DMD: variants seen among roughly 807,000 people sequenced by gnomAD.
DMD encodes the protein mutant dystrophin.
Under a neutral mutation model 330.1 loss-of-function variants are expected in DMD, and 63 were observed. The ratio of observed to expected loss-of-function variants is 0.19; its 90% CI spans 0.16 to 0.24. The LOEUF is 0.24. Ranked by LOEUF, DMD falls within the 10% of genes least tolerant of loss-of-function variation. The probability of loss-of-function intolerance (pLI) is 1.00; values close to 1 mark genes in which losing one functional copy is unlikely to be tolerated. For missense variants in DMD, 3,344 were observed against 2,684.1 expected, an observed-to-expected ratio of 1.25 and a Z score of -5.43; for synonymous variants, 1,223 against 959.8, an observed-to-expected ratio of 1.27 and a Z score of -5.07.
At chrX:31,413,430 A>G (rs1249048630) in intron 60 of DMD, among the ~76,000 whole-genome samples, 1 of 112,210 alleles carries the variant, frequency 8.9e-6, no homozygotes, top group Non-Finnish European at 1.9e-5. Context: ...AGTCTGTTAT[A>G]ATCTTATTTT....
chrX:31,674,879 C>T (rs1415537096), intron 53 of DMD, among the ~76,000 whole-genome samples: 1 of 112,415 alleles, frequency 8.9e-6, no homozygotes, highest in Non-Finnish European at 1.9e-5. Context: ...GTTTTAGGTG[C>T]CAATGGCATA....
At chrX:31,200,453 C>T (rs1300453183) in intron 67 of DMD, among the ~76,000 whole-genome samples, 3 of 111,951 alleles carry the variant, frequency 2.7e-5, no homozygotes, top group Non-Finnish European at 5.6e-5. Context: ...ATCTCCAAAG[C>T]CTGACTATTC....
At chrX:32,615,005 C>G (rs2057451853) in intron 11 of DMD, among the ~76,000 whole-genome samples, 1 of 110,875 alleles carries the variant, frequency 9.0e-6, no homozygotes, top group South Asian at 3.8e-4. Flanking sequence ...GTAAAGGAGG[C>G]CAGGCTACAC....
At chrX:32,830,951 C>A (rs1009282089) in intron 4 of DMD, among the ~76,000 whole-genome samples, 1 of 111,222 alleles carries the variant, frequency 9.0e-6, no homozygotes, top group Non-Finnish European at 1.9e-5. Context: ...TTAAATTATT[C>A]TTTAGTATGG....
At chrX:32,905,611 G>A (rs745903273) in intron 2 of DMD, among the ~76,000 whole-genome samples, 1 of 111,505 alleles carries the variant, frequency 9.0e-6, no homozygotes, top group Non-Finnish European at 1.9e-5. Context: ...TTGTTTGTTA[G>A]CCAGCTTATT....
At chrX:32,437,786 T>G (rs1299170817) in intron 29 of DMD, among the ~76,000 whole-genome samples, 1 of 112,793 alleles carries the variant, frequency 8.9e-6, no homozygotes, top group East Asian at 2.8e-4. Context: ...TCACACCATG[T>G]GTGATATATG....
At chrX:31,978,559 G>C in intron 44 of DMD, among the ~76,000 whole-genome samples, 1 of 111,662 alleles carries the variant, frequency 9.0e-6, no homozygotes, top group Non-Finnish European at 1.9e-5. Flanking sequence ...CTCAGTGCCT[G>C]CCTGTTGAAG....
In DMD at chrX:31,889,647, T is replaced by TCACA. The variant is rs773894352; in HGVS notation, c.6913-14278_6913-14275dup. 2.6e-3 allele frequency among the ~76,000 whole-genome samples: 185 copies of TCACA among 71,573 alleles called. 1 individual carries two copies. Among genetic ancestry groups the TCACA allele is most frequent in the East Asian group, 0.011 (24 of 2,240 alleles). The allele number at this position is 71,573 out of a possible 115,157, so 62.2% of individuals were successfully genotyped here. A position where few individuals can be genotyped will look rare whatever the true frequency, so the allele number is the denominator to read the frequency against. On this transcript the variant is annotated intron_variant, in intron 47 of 78. Transcript: ENST00000357033. ...CTCTCTCTCTCTCTCTCTCTCTCTC[T>TCACA]CACACACACACACACACACACACAC...
intron 63 of DMD, among the ~76,000 whole-genome samples, chrX:31,225,347 C>A (rs1377408842): frequency 8.9e-6 from 1 of 112,301 alleles, no homozygotes; most frequent in Non-Finnish European, 1.9e-5. Flanking sequence ...TCTTATTACA[C>A]CAGGGGTTTC....
intron 30 of DMD, among the ~76,000 whole-genome samples, chrX:32,408,449 A>G (rs772735140): frequency 1.8e-5 from 2 of 112,114 alleles, no homozygotes; most frequent in Non-Finnish European, 3.8e-5. Flanking sequence ...TGGTTGTCAG[A>G]AAGTTGTACA....
intron 60 of DMD, among the ~76,000 whole-genome samples, chrX:31,380,647 T>C (rs1310426359): frequency 9.0e-6 from 1 of 111,594 alleles, no homozygotes; most frequent in African/African-American, 3.3e-5. Context: ...ATCTGCACCT[T>C]ATCAACCAAA....
At chrX:32,039,889 A>T (rs1478978342) in intron 44 of DMD, among the ~76,000 whole-genome samples, 1 of 111,113 alleles carries the variant, frequency 9.0e-6, no homozygotes, top group Non-Finnish European at 1.9e-5. Flanking sequence ...TTTAAGTGAC[A>T]TCATGTGGTA....
chrX:31,522,325 T>TTCTCTCTC lies in DMD; in HGVS notation c.8218-14880_8218-14873dup, dbSNP rs1193302041. Among the ~76,000 whole-genome samples, 61 of 51,315 alleles carry TTCTCTCTC rather than the reference T, an allele frequency of 1.2e-3. 3 individuals carry two copies. Among genetic ancestry groups the TTCTCTCTC allele is most frequent in the African/African-American group, 2.4e-3 (22 of 9,059 alleles). 44.6% of individuals were successfully genotyped at this position (51,315 alleles called of 115,157 possible). A position where few individuals can be genotyped will look rare whatever the true frequency, so the allele number is the denominator to read the frequency against. ...AGAGACAGAGTGGTAAGATCAAAAT[T>TTCTCTCTC]TCTCTCTCTCTCTCTCTCTCTCTCT... On this transcript the variant is annotated intron_variant, in intron 55 of 78. Coordinates refer to ENST00000357033, the MANE Select transcript of DMD (RefSeq NM_004006.3).
rs1397635766 is a variant in DMD, at chrX:31,119,603, C to CTAAT, written c.*2312_*2315dup. 2 of 112,387 alleles carry CTAAT rather than the reference C, an allele frequency of 1.8e-5. No homozygotes were observed. The highest frequency in any genetic ancestry group is 3.8e-5 in the Non-Finnish European group (2 of 53,096). 9.3% of individuals were successfully genotyped at this position (112,387 alleles called of 1,213,427 possible). ...ATATTATGACAGACTCACTCCAGAG[C>CTAAT]TAATGTGTCTAAAAGAAAAACAAAA... On this transcript the variant is annotated 3_prime_UTR_variant, in exon 79 of 79. Transcript: ENST00000357033.
chrX:31,373,772 T>C (rs1173045054), intron 60 of DMD, among the ~76,000 whole-genome samples: 1 of 110,756 alleles, frequency 9.0e-6, no homozygotes, highest in Non-Finnish European at 1.9e-5. Flanking sequence ...AAGGACTTCA[T>C]GTCTACAACA....
intron 28 of DMD, among the ~76,000 whole-genome samples, chrX:32,439,489 T>C (rs187854925): frequency 7.9e-4 from 88 of 111,830 alleles, no homozygotes; most frequent in African/African-American, 2.6e-3. Context: ...AAATATTTAT[T>C]TGCAAAATGG....
At chrX:32,672,856 C>T (rs750361298) in intron 9 of DMD, among the ~76,000 whole-genome samples, 1 of 110,818 alleles carries the variant, frequency 9.0e-6, no homozygotes, top group Non-Finnish European at 1.9e-5. Context: ...CACTGAGATA[C>T]GGAGCTGCAG....
intron 56 of DMD, among the ~76,000 whole-genome samples, chrX:31,499,890 A>G (rs2070271539): frequency 8.9e-6 from 1 of 112,284 alleles, no homozygotes; most frequent in African/African-American, 3.2e-5. Flanking sequence ...GAGCTAATAC[A>G]GCAGCAGAAG....
Position 31,804,239 on chromosome X carries a change from C to T in DMD, c.7309+15736G>A, listed in dbSNP as rs778381182. Among the ~76,000 whole-genome samples, 5 of 111,396 alleles carry T rather than the reference C, an allele frequency of 4.5e-5. No individual in the cohort carries two copies. The East Asian group carries it at 1.1e-3, about 25-fold the overall frequency. On this transcript the variant is annotated intron_variant, in intron 50 of 78. Coordinates refer to ENST00000357033, the MANE Select transcript of DMD (RefSeq NM_004006.3). Reference sequence around the variant, plus strand: ...TACTCCATAGTTTAGTAATTTCTACCACGGTCTACTCGGTTTATCAAGCCA... The same window carrying T: ...TACTCCATAGTTTAGTAATTTCTACTACGGTCTACTCGGTTTATCAAGCCA...
Sources: allele counts gnomAD v4.1 joint callset (sites outside exome capture counted in the v4.1 genomes callset), GRCh38; gene constraint gnomAD v4.1.1; transcripts MANE v1.5; gene names NCBI Gene and HGNC (gene_info 2026-07-23, HGNC 2026-07-21).